The following SLC4A4 variants were observed in gnomAD, a reference collection of about 807,000 sequenced individuals.
SLC4A4 encodes the protein electrogenic sodium bicarbonate cotransporter 1.
A neutral mutation model predicts 111.5 loss-of-function variants in SLC4A4; 27 were observed. The observed-to-expected ratio is 0.24, with a 90% CI of 0.18 to 0.33. SLC4A4 has a LOEUF of 0.33. SLC4A4 is among the 10% of genes least tolerant of loss of function. The probability of loss-of-function intolerance (pLI) is 1.00; values close to 1 mark genes in which losing one functional copy is unlikely to be tolerated. For missense variants in SLC4A4, 909 were observed against 1,315.5 expected (o/e 0.69, Z 4.78); for synonymous variants, 443 against 463.4 (o/e 0.96, Z 0.57).
chr4:71,077,075 T>C (rs1741853161), intron 1 of SLC4A4, among the ~76,000 whole-genome samples: 1 of 145,344 alleles, frequency 6.9e-6, no homozygotes. Flanking sequence ...ATATAATATA[T>C]ACATAAATAT....
intron 2 of SLC4A4, among the ~76,000 whole-genome samples, chr4:71,135,165 A>C (rs1743808910): frequency 6.6e-6 from 1 of 152,218 alleles, no homozygotes; most frequent in African/African-American, 2.4e-5. Flanking sequence ...TGAGTTGACA[A>C]ATAAAAATTG....
intron 18 of SLC4A4, among the ~76,000 whole-genome samples, chr4:71,535,325 C>T (rs965567893): frequency 4.6e-5 from 7 of 152,056 alleles, no homozygotes; most frequent in Admixed American, 1.3e-4. Flanking sequence ...TACAGAAACC[C>T]ATTGAGCAGA....
At chr4:71,087,047 G>T (rs923189863) in intron 1 of SLC4A4, among the ~76,000 whole-genome samples, 6 of 151,890 alleles carry the variant, frequency 4.0e-5, no homozygotes, top group African/African-American at 1.5e-4. Context: ...GACTTTTTTT[G>T]GTTGGTAAGC....
intron 7 of SLC4A4, chr4:71,437,309 C>A (rs530980180): frequency 7.2e-5 from 26 of 362,978 alleles, no homozygotes; most frequent in South Asian, 6.3e-4. Flanking sequence ...CTTCCAATAA[C>A]ACGGTTTTGG....
At chr4:71,531,970 T>A in intron 16 of SLC4A4, 92 bp from the exon 17 acceptor site, 1 of 761,108 alleles carries the variant, frequency 1.3e-6, no homozygotes, top group Non-Finnish European at 2.3e-6. Flanking sequence ...TATAAACTAT[T>A]AGCAAATACA....
At chr4:71,071,148 G>A (rs945209697) in intron 1 of SLC4A4, among the ~76,000 whole-genome samples, 3 of 151,766 alleles carry the variant, frequency 2.0e-5, no homozygotes, top group Non-Finnish European at 2.9e-5. Context: ...GCACACTCCT[G>A]TACTCCCAGC....
In SLC4A4 at chr4:71,090,101, G is replaced by A. The variant is rs535364876; in HGVS notation, c.-64-2629G>A. On this transcript the variant is annotated intron_variant, in intron 1 of 26. Transcript: ENST00000649996. ...TACTCAAGCCTTAGCAATGGCGGGC[G>A]CCACTCCCCCAGCCTCGCTGCCACC... is the stretch of plus-strand genomic sequence containing the variant. Among the ~76,000 whole-genome samples the A allele has an allele frequency of 2.9e-3, 441 of 152,104 alleles. 1 individual carries two copies. Among genetic ancestry groups the A allele is most frequent in the Admixed American group, 4.6e-3 (71 of 15,282 alleles).
chr4:71,383,290 T>C (rs931625309), intron 6 of SLC4A4, among the ~76,000 whole-genome samples: 4 of 152,198 alleles, frequency 2.6e-5, no homozygotes, highest in Admixed American at 6.5e-5. Flanking sequence ...GCGAGGTACT[T>C]ACTGCATTGA....
At chr4:71,356,801 T>A (rs754649567) in intron 5 of SLC4A4, among the ~76,000 whole-genome samples, 3 of 152,194 alleles carry the variant, frequency 2.0e-5, no homozygotes, top group Non-Finnish European at 4.4e-5. Context: ...AAACATAAAA[T>A]GAATACTCTA....
At chr4:71,110,451 C>T (rs1283680861) in intron 2 of SLC4A4, among the ~76,000 whole-genome samples, 1 of 152,128 alleles carries the variant, frequency 6.6e-6, no homozygotes, top group Non-Finnish European at 1.5e-5. Flanking sequence ...GGTATTCCAC[C>T]CACCATGGTC....
At chr4:71,334,907 C>A (rs560799601) in intron 3 of SLC4A4, among the ~76,000 whole-genome samples, 1 of 152,202 alleles carries the variant, frequency 6.6e-6, no homozygotes, top group South Asian at 2.1e-4. Context: ...GGCAGGAGAC[C>A]AATTTATTTT....
Position 71,380,707 on chromosome 4 carries a change from C to T in SLC4A4, c.731-16870C>T, listed in dbSNP as rs557224727. ...CTACTGTAATCTAGCCTATCTGACA[C>T]GGAGTGTTTGAGGTCACTCAGTTAG... On this transcript the variant is annotated intron_variant, in intron 6 of 25. Transcript: ENST00000264485. Among the ~76,000 whole-genome samples the T allele has an allele frequency of 5.3e-5, 8 of 152,280 alleles. No individual in the cohort carries two copies. In the South Asian group the frequency reaches 1.5e-3, roughly 28 times the overall value.
chr4:71,235,935 C>G (rs557588400), intron 1 of SLC4A4: 7 of 534,494 alleles, frequency 1.3e-5, no homozygotes, highest in Non-Finnish European at 1.7e-5. Flanking sequence ...TTGTCGAAGC[C>G]GGGTTGCTGG....
chr4:71,486,972 C>A lies in SLC4A4; in HGVS notation c.1928C>A (p.Thr643Asn). Reference sequence around the variant, plus strand: ...GCTAATATCTCAATATCTAATGACACCACACTGGCCCCAGAGTATTTGCCA... The same window carrying A: ...GCTAATATCTCAATATCTAATGACAACACACTGGCCCCAGAGTATTTGCCA... ...DPANISISND[T>N]TLAPEYLPTM... is the part of the protein sequence containing the mutation. Residue 643 changes from threonine to asparagine, a missense_variant, in exon 15 of 26, where the codon ACC (threonine) becomes AAC (asparagine). By Grantham distance (65) the Thr-to-Asn change is moderately conservative (BLOSUM62 0). Around this residue, in one of 7 missense-constraint regions of SLC4A4, gnomAD observed 264 missense variants for 356.8 expected, o/e 0.74. Coordinates refer to ENST00000264485, the MANE Select transcript of SLC4A4 (RefSeq NM_001098484.3). 1 of 1,602,056 alleles carries A rather than the reference C, an allele frequency of 6.2e-7. No individual in the cohort carries two copies. Among genetic ancestry groups the A allele is most frequent in the Non-Finnish European group, 8.5e-7 (1 of 1,171,094 alleles).
Position 71,306,181 on chromosome 4 carries a change from G to A in SLC4A4, c.254-33189G>A, listed in dbSNP as rs567197219. 1.5e-3 allele frequency among the ~76,000 whole-genome samples: 225 copies of A among 152,314 alleles called. 3 individuals are homozygous for A. The highest frequency in any genetic ancestry group is 2.0e-3 in the Non-Finnish European group (138 of 68,032). On this transcript the variant is annotated intron_variant, in intron 3 of 25. Coordinates refer to ENST00000264485, the MANE Select transcript of SLC4A4 (RefSeq NM_001098484.3). ...GTACACCAGGGTGGTTAAGAGCATA[G>A]GTTCTGAAGTCAGACTTCCTGGTTT...
At chr4:71,412,679 A>C (rs1335855566) in intron 7 of SLC4A4, among the ~76,000 whole-genome samples, 1 of 152,186 alleles carries the variant, frequency 6.6e-6, no homozygotes, top group African/African-American at 2.4e-5. Flanking sequence ...GAATCGGTAA[A>C]TAATGTAGGA....
Position 71,557,896 on chromosome 4 carries a change from C to T in SLC4A4, c.2937+11C>T, listed in dbSNP as rs759436214. On this transcript the variant is annotated intron_variant, in intron 22 of 25. Transcript: ENST00000264485. ...ATTTTTCCAGTAATGGTAGGGATTCCTTTAATTGAACGTACCTGTGAGATT... is the reference window on the plus strand; with the variant it reads ...ATTTTTCCAGTAATGGTAGGGATTCTTTTAATTGAACGTACCTGTGAGATT... 4.4e-6 allele frequency: 7 copies of T among 1,602,304 alleles called. No individual in the cohort carries two copies. Among genetic ancestry groups the T allele is most frequent in the Non-Finnish European group, 5.1e-6 (6 of 1,170,072 alleles).
chr4:71,185,933 A>T (rs1745436117), upstream of SLC4A4, among the ~76,000 whole-genome samples: 1 of 152,222 alleles, frequency 6.6e-6, no homozygotes, highest in African/African-American at 2.4e-5. Context: ...CCACATACAC[A>T]TTACATATAA....
chr4:71,458,987 A>C (rs1306146136), intron 12 of SLC4A4, among the ~76,000 whole-genome samples: 1 of 152,036 alleles, frequency 6.6e-6, no homozygotes, highest in Non-Finnish European at 1.5e-5. Context: ...GTAGGTAAAA[A>C]TAAATAGACA....
Sources: gnomAD v4.1 joint callset for allele counts (sites outside exome capture counted in the v4.1 genomes callset) on GRCh38, gnomAD v4.1.1 for gene constraint, gnomAD v4.1.1 regional missense constraint, MANE v1.5 for transcripts, NCBI Gene and HGNC (gene_info 2026-07-23, HGNC 2026-07-21) for gene names.